Variants in CCDC110 observed in about 807,000 individuals in gnomAD.
The protein encoded by CCDC110 is coiled-coil domain-containing protein 110.
A neutral mutation model predicts 77.1 loss-of-function variants in CCDC110; 70 were observed. The observed-to-expected ratio is 0.91, with a 90% confidence interval of 0.75 to 1.11. CCDC110 has a LOEUF of 1.11. CCDC110 is among the 50% of genes least tolerant of loss of function. The pLI is 0.00. For synonymous variants in CCDC110, 295 were observed against 312.5 expected (o/e 0.94, Z 0.59); for missense variants, 868 against 942.9 (o/e 0.92, Z 1.04).
chr4:185,466,571 A>AT (rs113965292), intron 2 of CCDC110, among the ~76,000 whole-genome samples: 66,635 of 150,330 alleles, frequency 0.44, 15,766 homozygotes, highest in African/African-American at 0.63. Context: ...GTCAAGAGGG[A>AT]TTTTTTTTCT....
At chr4:185,445,604 A>C in intron 6 of CCDC110, 62 bp from the exon 7 acceptor site, 1 of 1,058,528 alleles carries the variant, frequency 9.4e-7, no homozygotes, top group Non-Finnish European at 1.4e-6. Context: ...ATGCTTTGAG[A>C]AAAAGTATAT....
Position 185,463,006 on chromosome 4 carries a change from T to C in CCDC110, c.159A>G (p.Gln53=). The C allele has an allele frequency of 1.9e-6, 3 of 1,613,368 alleles. No individual in the cohort carries two copies. Among genetic ancestry groups the C allele is most frequent in the Non-Finnish European group, 2.5e-6 (3 of 1,179,300 alleles). The change falls in exon 3 of 7, where the codon CAA becomes CAG. Residue 53 remains glutamine, a synonymous_variant. Coordinates refer to ENST00000307588, the MANE Select transcript of CCDC110 (RefSeq NM_152775.4). ...IAESENQIQP[Q]SALKVLQQQL... ...AATATAGACTCACTTTCAATGCTGA[T>C]TGTGGTTGGATTTGATTTTCTGATT...
intron 5 of CCDC110, 143 bp from the exon 6 acceptor site, chr4:185,460,381 T>C (rs2095643932): frequency 3.4e-5 from 20 of 585,534 alleles, no homozygotes; most frequent in Non-Finnish European, 5.4e-5. Flanking sequence ...ATAACAAGTA[T>C]GATTTATTTT....
At chr4:185,453,258 T>C (rs2095631665) in intron 6 of CCDC110, among the ~76,000 whole-genome samples, 1 of 152,148 alleles carries the variant, frequency 6.6e-6, no homozygotes, top group Non-Finnish European at 1.5e-5. Context: ...ACTAGATCAT[T>C]ATCCATCAAA....
chr4:185,459,935 CTGT>C lies in CCDC110; in HGVS notation c.649_651del (p.Thr217del). ...GTAATTTTGGATTTATCCAGAATTA[CTGT>C]ATCAGCTTGAGACATCACATTTGGA... On this transcript the variant is annotated inframe_deletion, in exon 6 of 7. Coordinates refer to ENST00000307588, the MANE Select transcript of CCDC110 (RefSeq NM_152775.4). 6.2e-7 allele frequency: 1 copy of C among 1,613,796 alleles called. No individual in the cohort carries two copies. Among genetic ancestry groups the C allele is most frequent in the South Asian group, 1.1e-5 (1 of 91,058 alleles).
At chr4:185,448,159 T>C (rs2095619843) in intron 6 of CCDC110, among the ~76,000 whole-genome samples, 1 of 152,082 alleles carries the variant, frequency 6.6e-6, no homozygotes, top group Non-Finnish European at 1.5e-5. Context: ...TAGCTGGTAT[T>C]ACAGGCGCCC....
Position 185,466,745 on chromosome 4 carries a change from AT to A in CCDC110, c.116-3697del, listed in dbSNP as rs113678345. Among the ~76,000 whole-genome samples, 570 of 145,998 alleles carry A rather than the reference AT, an allele frequency of 3.9e-3. 1 individual carries two copies. The highest frequency in any genetic ancestry group is 0.011 in the Middle Eastern group (3 of 278). ...CCACCACATCTGGCTAAGAGAAGGA[AT>A]TTTTTTTTTTTTAAACCACAGGACA... is the stretch of plus-strand genomic sequence containing the variant. On this transcript the variant is annotated intron_variant, in intron 2 of 6. Transcript: ENST00000307588.
chr4:185,458,823 TA>T lies in CCDC110; in HGVS notation c.1763del (p.Leu588Ter). ...TTAGAAGCTGGTGTGTTTTTTTCTCTAACATTTCTTTTTCATCTTGTATCAA... is the reference window on the plus strand; with the variant it reads ...TTAGAAGCTGGTGTGTTTTTTTCTCTACATTTCTTTTTCATCTTGTATCAA... ...ILLIQDEKEMLEKKTHQLLKE... is the reference protein window; with the variant it reads ...ILLIQDEKEMXEKKTHQLLKE... On this transcript the variant is annotated frameshift_variant, in exon 6 of 7. Transcript: ENST00000307588. LOFTEE classifies it high-confidence loss of function. The T allele has an allele frequency of 9.3e-6, 15 of 1,606,714 alleles. No individual in the cohort carries two copies. Among genetic ancestry groups the T allele is most frequent in the Admixed American group, 1.7e-5 (1 of 58,696 alleles).
intron 6 of CCDC110, among the ~76,000 whole-genome samples, chr4:185,446,553 G>A (rs1030796347): frequency 6.6e-6 from 1 of 151,980 alleles, no homozygotes; most frequent in Non-Finnish European, 1.5e-5. Context: ...CTAGTCAGTT[G>A]CTTAAGTTGA....
In CCDC110 at chr4:185,462,563, T is replaced by C. The variant is rs189397072; in HGVS notation, c.237+80A>G. 6.5e-5 allele frequency: 69 copies of C among 1,061,234 alleles called. 1 individual carries two copies. In the Admixed American group the frequency reaches 8.0e-4, roughly 12 times the overall value. 65.7% of individuals were successfully genotyped at this position (1,061,234 alleles called of 1,614,324 possible). On this transcript the variant is annotated intron_variant, in intron 4 of 6. Coordinates refer to ENST00000307588, the MANE Select transcript of CCDC110 (RefSeq NM_152775.4). ...ATTAAATTCTGTGTCAGCTAATCCA[T>C]TGGCTAGTGACCATCAGCTTAGAAG... is the stretch of plus-strand genomic sequence containing the variant.
rs2095641497 is a variant in CCDC110 at position 185,459,241 on chromosome 4, T to A, written c.1346A>T (p.Glu449Val). The change falls in exon 6 of 7, where the codon GAG becomes GTG. Residue 449 changes from glutamate to valine, a missense_variant. By Grantham distance (121) the Glu-to-Val change is moderately radical (BLOSUM62 -2). Transcript: ENST00000307588. ...VQIQKKVMEL[E>V]SENLNLKSKM... ...GGACTTAAGGTTTAGATTTTCACTC[T>A]CCAGTTCCATTACTTTTTTCTGTAT... 1 of 1,611,442 alleles carries A rather than the reference T, an allele frequency of 6.2e-7. No individual in the cohort carries two copies. The highest frequency in any genetic ancestry group is 8.5e-7 in the Non-Finnish European group (1 of 1,179,172).
intron 2 of CCDC110, chr4:185,470,703 G>T (rs1293252013): frequency 3.3e-6 from 2 of 605,060 alleles, no homozygotes; most frequent in African/African-American, 3.6e-5. Context: ...ACCTCTCTGT[G>T]CCCGTTTCCT....
chr4:185,459,608 C>T lies in CCDC110; in HGVS notation c.979G>A (p.Glu327Lys). The T allele has an allele frequency of 6.2e-7, 1 of 1,613,036 alleles. No homozygotes were observed. Among genetic ancestry groups the T allele is most frequent in the Non-Finnish European group, 8.5e-7 (1 of 1,179,688 alleles). Residue 327 changes from glutamate to lysine, a missense_variant, in exon 6 of 7, where the codon GAA (glutamate) becomes AAA (lysine). Glu to Lys is a moderately conservative substitution (Grantham distance 56). Transcript: ENST00000307588. Reference sequence around the variant, plus strand: ...TGCACATGGAATTTTGACACAGTTTCCCTGAAGGGGAGTAATTTCTTCACT... The same window carrying T: ...TGCACATGGAATTTTGACACAGTTTTCCTGAAGGGGAGTAATTTCTTCACT... ...ALVKKLLPFRETVSKFHVHFC... is the reference protein window; with the variant it reads ...ALVKKLLPFRKTVSKFHVHFC...
chr4:185,467,372 T>C (rs1458588084), intron 2 of CCDC110, among the ~76,000 whole-genome samples: 16 of 152,196 alleles, frequency 1.1e-4, no homozygotes, highest in African/African-American at 2.9e-4. Flanking sequence ...ATTTAAAAAC[T>C]AGGCAATACT....
At chr4:185,470,755 AGTGTT>A in intron 2 of CCDC110, 185 bp downstream of exon 2, 1 of 669,194 alleles carries the variant, frequency 1.5e-6, no homozygotes, top group Non-Finnish European at 2.8e-6. Context: ...ACCTCGTAAA[AGTGTT>A]GTGAGAATTA....
intron 6 of CCDC110, chr4:185,449,608 A>C: frequency 6.5e-7 from 1 of 1,543,966 alleles, no homozygotes; most frequent in South Asian, 1.2e-5. Context: ...CACTAAATTC[A>C]AAGAACTACA....
Position 185,458,675 on chromosome 4 carries a change from T to G in CCDC110, c.1912A>C (p.Lys638Gln). The G allele has an allele frequency of 6.2e-7, 1 of 1,604,370 alleles. No homozygotes were observed. Among genetic ancestry groups the G allele is most frequent in the Admixed American group, 1.7e-5 (1 of 58,708 alleles). The change falls in exon 6 of 7, where the codon AAA (lysine) becomes CAA (glutamine). Residue 638 changes from lysine to glutamine, a missense_variant. Physicochemically the swap from Lys to Gln is moderately conservative, Grantham distance 53. Coordinates refer to ENST00000307588, the MANE Select transcript of CCDC110 (RefSeq NM_152775.4). ...GTTTCAAGGTTGAGTTTTTCATCTTTAACTGTTTCTATTATTTGAAGAAGT... is the reference window on the plus strand; with the variant it reads ...GTTTCAAGGTTGAGTTTTTCATCTTGAACTGTTTCTATTATTTGAAGAAGT... The part of the protein sequence containing the change: ...ETLLQIIETV[K>Q]DEKLNLETTL...
intron 6 of CCDC110, among the ~76,000 whole-genome samples, chr4:185,450,968 T>A (rs1055643264): frequency 6.6e-6 from 1 of 152,156 alleles, no homozygotes; most frequent in African/African-American, 2.4e-5. Context: ...TCATCTTGAG[T>A]TGTAGCTCCC....
chr4:185,449,640 A>G, intron 6 of CCDC110: 1 of 1,536,308 alleles, frequency 6.5e-7, no homozygotes, highest in Non-Finnish European at 8.8e-7. Flanking sequence ...GTACCATCCT[A>G]TTAGCAACTG....
Sources: allele counts gnomAD v4.1 joint callset (sites outside exome capture counted in the v4.1 genomes callset), GRCh38; gene constraint gnomAD v4.1.1; transcripts MANE v1.5; gene names NCBI Gene and HGNC (gene_info 2026-07-23, HGNC 2026-07-21).